IMPA2: variants seen among roughly 807,000 people sequenced by gnomAD.
IMPA2 encodes inositol monophosphatase 2.
In IMPA2, 32 loss-of-function variants were observed where a neutral mutation model predicts 35.1. The observed-to-expected ratio is 0.91, with a 90% CI of 0.69 to 1.23. IMPA2 has a LOEUF of 1.23. IMPA2 is among the 50% of genes most tolerant of loss of function. The pLI is 0.00. For missense variants in IMPA2, 334 were observed against 387.6 expected, an observed-to-expected ratio of 0.86 and a Z score of 1.16; for synonymous variants, 135 against 160.6, an observed-to-expected ratio of 0.84 and a Z score of 1.20.
chr18:12,002,661 G>A (rs1346295555), intron 2 of IMPA2, among the ~76,000 whole-genome samples: 1 of 151,380 alleles, frequency 6.6e-6, no homozygotes, highest in Non-Finnish European at 1.5e-5. Flanking sequence ...TATGCTCCCA[G>A]CTACTTGGAA....
At chr18:12,011,161 C>T (rs1907422309) in intron 3 of IMPA2, among the ~76,000 whole-genome samples, 1 of 152,204 alleles carries the variant, frequency 6.6e-6, no homozygotes, top group Non-Finnish European at 1.5e-5. Context: ...GACATAGTTT[C>T]CAGTGCTTTC....
At chr18:12,028,682 T>A in intron 6 of IMPA2, 160 bp from the exon 7 acceptor site, 2 of 836,116 alleles carry the variant, frequency 2.4e-6, no homozygotes, top group Non-Finnish European at 3.7e-6. Flanking sequence ...GGTTGGTGGC[T>A]CCAGGCCCTA....
At chr18:12,016,636 C>T (rs1907587329) in intron 5 of IMPA2, among the ~76,000 whole-genome samples, 1 of 151,988 alleles carries the variant, frequency 6.6e-6, no homozygotes, top group Admixed American at 6.6e-5. Context: ...CCAGGCTGGT[C>T]TCAAACTCCT....
At chr18:11,982,363 CT>C (rs953427622) in intron 1 of IMPA2, among the ~76,000 whole-genome samples, 1 of 152,214 alleles carries the variant, frequency 6.6e-6, no homozygotes, top group Admixed American at 6.5e-5. Flanking sequence ...CCTCTCTTCT[CT>C]TTTTCATTTT....
At chr18:12,017,702 C>T (rs111637174) in intron 5 of IMPA2, 56,847 of 371,824 alleles carry the variant, frequency 0.15, 5,752 homozygotes, top group East Asian at 0.43. Context: ...AATTCTCCTG[C>T]CTCATCCTCC....
chr18:11,998,382 G>A lies in IMPA2; in HGVS notation c.97-672G>A, dbSNP rs1262575710. ...GTGTGTTGGCAGCTTGCACAGCTGC[G>A]GAGCCTGTGTCGGAGCTCAGCCCTG... On this transcript the variant is annotated intron_variant, in intron 1 of 7. Coordinates refer to ENST00000269159, the MANE Select transcript of IMPA2 (RefSeq NM_014214.3). Among the ~76,000 whole-genome samples the A allele has an allele frequency of 2.0e-5, 3 of 152,286 alleles. No homozygotes were observed. In the South Asian group the frequency reaches 6.2e-4, roughly 32 times the overall value.
intron 5 of IMPA2, among the ~76,000 whole-genome samples, chr18:12,025,242 TCTG>T (rs1442613193): frequency 6.6e-6 from 1 of 152,252 alleles, no homozygotes; most frequent in Non-Finnish European, 1.5e-5. Context: ...TATTCCACTG[TCTG>T]GATGTACCAC....
At chr18:12,008,038 T>G (rs1459266392) in intron 2 of IMPA2, among the ~76,000 whole-genome samples, 1 of 152,070 alleles carries the variant, frequency 6.6e-6, no homozygotes, top group Non-Finnish European at 1.5e-5. Context: ...CTCAGCTCAC[T>G]GCAACGTTAG....
chr18:12,028,572 G>T, intron 6 of IMPA2: 1 of 507,010 alleles, frequency 2.0e-6, no homozygotes. Context: ...TTCAGTAGAG[G>T]AGGATTCAAT....
At chr18:11,990,760 C>T (rs992018559) in intron 1 of IMPA2, among the ~76,000 whole-genome samples, 1 of 152,198 alleles carries the variant, frequency 6.6e-6, no homozygotes, top group Non-Finnish European at 1.5e-5. Context: ...ATTGTGACGG[C>T]TCCAGCCGTG....
chr18:12,002,104 T>G (rs1907130984), intron 2 of IMPA2, among the ~76,000 whole-genome samples: 1 of 152,204 alleles, frequency 6.6e-6, no homozygotes, highest in Non-Finnish European at 1.5e-5. Context: ...AAGTAAATTT[T>G]GGGGATTTAA....
At chr18:11,984,432 G>T (rs1037571111) in intron 1 of IMPA2, among the ~76,000 whole-genome samples, 3 of 152,256 alleles carry the variant, frequency 2.0e-5, no homozygotes, top group Admixed American at 1.3e-4. Flanking sequence ...CATCTTTTGT[G>T]TGATGTGTGA....
At chr18:11,994,257 T>G (rs986145013) in intron 1 of IMPA2, 4 of 152,102 alleles carry the variant, frequency 2.6e-5, no homozygotes, top group Admixed American at 2.6e-4. Context: ...GTGCTTGTAG[T>G]TGCAGCTACT....
chr18:12,011,820 T>G (rs1227901798), intron 3 of IMPA2, among the ~76,000 whole-genome samples: 3 of 152,240 alleles, frequency 2.0e-5, no homozygotes, highest in African/African-American at 7.2e-5. Context: ...CACCTGGGAC[T>G]GGGTCTGGCC....
At position 12,020,370 on chromosome 18, in the gene IMPA2, T is replaced by G. The variant is rs184601526; in HGVS notation, c.490+5997T>G. Among the ~76,000 whole-genome samples the G allele has an allele frequency of 2.1e-3, 314 of 152,258 alleles. 1 individual carries two copies. Among genetic ancestry groups the G allele is most frequent in the Non-Finnish European group, 2.8e-3 (188 of 68,024 alleles). On this transcript the variant is annotated intron_variant, in intron 5 of 7. Transcript: ENST00000269159. The stretch of plus-strand genomic sequence containing the variant: ...CACCATGTCTGGCTAATTTGGTATT[T>G]TTAGTAGAGATGGTGTTTCTCTATG...
chr18:12,009,888 T>C lies in IMPA2; in HGVS notation c.236T>C (p.Ile79Thr), dbSNP rs1907384309. ...LRERFPSHRF[I>T]AEEAAASGAK... is the part of the protein sequence containing the mutation. Reference sequence around the variant, plus strand: ...GCTGGGTTCTTCCACTGCAGGTTCATTGCAGAAGAGGCCGCGGCTTCTGGG... The same window carrying C: ...GCTGGGTTCTTCCACTGCAGGTTCACTGCAGAAGAGGCCGCGGCTTCTGGG... The change falls in exon 3 of 8, where the codon ATT becomes ACT. Residue 79 changes from isoleucine to threonine, a missense_variant. Physicochemically the swap from Ile to Thr is moderately conservative, Grantham distance 89 (BLOSUM62 -1). Transcript: ENST00000269159. The C allele has an allele frequency of 1.2e-6, 2 of 1,613,844 alleles. No homozygotes were observed. Among genetic ancestry groups the C allele is most frequent in the Non-Finnish European group, 1.7e-6 (2 of 1,179,738 alleles).
chr18:12,022,446 C>T (rs1907755215), intron 5 of IMPA2, among the ~76,000 whole-genome samples: 1 of 149,676 alleles, frequency 6.7e-6, no homozygotes, highest in Non-Finnish European at 1.5e-5. Context: ...TTGCTTGAAC[C>T]TGGGAGGCAG....
Position 11,991,461 on chromosome 18 carries a change from A to G in IMPA2, c.97-7593A>G, listed in dbSNP as rs944371545. Among the ~76,000 whole-genome samples the G allele has an allele frequency of 1.3e-5, 2 of 152,134 alleles. No homozygotes were observed. The highest frequency in any genetic ancestry group is 2.4e-5 in the African/African-American group (1 of 41,430). ...TCAACAGCTGTGAACTGCTGACCAC[A>G]TGTGCCACATGACACCATGTGATAG... On this transcript the variant is annotated intron_variant, in intron 1 of 7. Transcript: ENST00000269159. The surrounding 1 kb of genome is among the most constrained non-coding windows in gnomAD (Gnocchi z 4.1).
At chr18:12,004,912 G>A (rs2143796984) in intron 2 of IMPA2, among the ~76,000 whole-genome samples, 1 of 152,326 alleles carries the variant, frequency 6.6e-6, no homozygotes, top group East Asian at 1.9e-4. Flanking sequence ...TGTCTGCAGA[G>A]CAGACTCTCC....
Sources: allele counts gnomAD v4.1 joint callset (sites outside exome capture counted in the v4.1 genomes callset), GRCh38; gene constraint gnomAD v4.1.1; non-coding constraint Gnocchi (gnomAD v3.1); transcripts MANE v1.5; gene names NCBI Gene and HGNC (gene_info 2026-07-23, HGNC 2026-07-21).